MSR1: variants seen among roughly 807,000 people sequenced by gnomAD.
MSR1 encodes the protein macrophage scavenger receptor 1.
MSR1 carries 53 observed loss-of-function variants against 47.2 expected under a neutral mutation model. That is an observed-to-expected ratio of 1.12 (90% CI 0.90 to 1.41). MSR1 has a LOEUF of 1.41. Among genes scored for constraint, MSR1 ranks in the 40% most tolerant of loss-of-function variants. MSR1 has a pLI of 0.00. For synonymous variants in MSR1, 239 were observed against 185.6 expected, an observed-to-expected ratio of 1.29 and a Z score of -2.34; for missense variants, 786 against 546.9, an observed-to-expected ratio of 1.44 and a Z score of -4.36.
chr8:16,111,513 T>A (rs1799755581), intron 9 of MSR1, among the ~76,000 whole-genome samples: 1 of 152,116 alleles, frequency 6.6e-6, no homozygotes, highest in African/African-American at 2.4e-5. Context: ...AAAAGGAAAC[T>A]GAGAGTGGGA....
At chr8:16,123,030 A>G (rs544471471) in intron 8 of MSR1, among the ~76,000 whole-genome samples, 148 of 151,830 alleles carry the variant, frequency 9.7e-4, no homozygotes, top group African/African-American at 3.2e-3. Flanking sequence ...ATTTTTTAGT[A>G]CAGACGGGGT....
intron 3 of MSR1, among the ~76,000 whole-genome samples, chr8:16,174,292 A>G (rs894670116): frequency 6.6e-6 from 1 of 152,216 alleles, no homozygotes; most frequent in African/African-American, 2.4e-5. Context: ...GCACATAAAA[A>G]TGTATCTTAT....
At chr8:16,187,189 C>G (rs566611266) in intron 1 of MSR1, among the ~76,000 whole-genome samples, 105 of 151,610 alleles carry the variant, frequency 6.9e-4, no homozygotes, top group Middle Eastern at 6.8e-3. Flanking sequence ...TGATGAAACC[C>G]TGTCTCTACT....
At chr8:16,128,700 G>C (rs1585142684) in intron 8 of MSR1, among the ~76,000 whole-genome samples, 1 of 152,168 alleles carries the variant, frequency 6.6e-6, no homozygotes, top group African/African-American at 2.4e-5. Context: ...AATACAAGCT[G>C]CTTCTTTAAT....
At chr8:16,187,092 AAGC>A (rs1373686370) in intron 1 of MSR1, among the ~76,000 whole-genome samples, 1 of 151,854 alleles carries the variant, frequency 6.6e-6, no homozygotes, top group Non-Finnish European at 1.5e-5. Context: ...TGACTCAAAA[AAGC>A]AGACCACCTG....
intron 7 of MSR1, 62 bp downstream of exon 7, chr8:16,150,168 AT>A (rs1284914421): frequency 1.3e-4 from 40 of 300,562 alleles, no homozygotes; most frequent in South Asian, 9.5e-4. Context: ...ATATATATAT[AT>A]ATAAAATTAT....
At chr8:16,140,808 G>A (rs567039918) in intron 8 of MSR1, 15 of 1,519,022 alleles carry the variant, frequency 9.9e-6, no homozygotes, top group Admixed American at 2.2e-5. Flanking sequence ...GTATGAGCAT[G>A]GGAGCAGAGG....
rs1799672713 is a variant in MSR1, at chr8:16,107,958, C to A, written c.*2127G>T. ...ATTAAGTCCTCAATTTGTATTGGTG[C>A]TATTAGGTTCTTTTCTTGACTGGAC... On this transcript the variant is annotated 3_prime_UTR_variant, in exon 10 of 10. Transcript: ENST00000262101. 1 of 151,578 alleles carries A rather than the reference C, an allele frequency of 6.6e-6. No homozygotes were observed. The highest frequency in any genetic ancestry group is 2.1e-4 in the South Asian group (1 of 4,806). The allele number at this position is 151,578 out of a possible 1,614,324, so 9.4% of individuals were successfully genotyped here. A position where few individuals can be genotyped will look rare whatever the true frequency, so the allele number is the denominator to read the frequency against.
Position 16,140,100 on chromosome 8 carries a change from T to A in MSR1, c.1033+3458A>T, listed in dbSNP as rs540784744. Reference sequence around the variant, plus strand: ...ACATGTGAATTAATGATTGAATGAATGGATTTTCTTCTATGACATCCCTAT... The same window carrying A: ...ACATGTGAATTAATGATTGAATGAAAGGATTTTCTTCTATGACATCCCTAT... On this transcript the variant is annotated intron_variant, in intron 8 of 9. Coordinates refer to ENST00000262101, the MANE Select transcript of MSR1 (RefSeq NM_138715.3). 1.3e-5 allele frequency: 13 copies of A among 982,304 alleles called. No individual in the cohort carries two copies. The South Asian group carries it at 5.7e-4, about 43-fold the overall frequency. The allele number at this position is 982,304 out of a possible 1,614,324, so 60.8% of individuals were successfully genotyped here.
rs142433151 is a variant in MSR1 at position 16,132,883 on chromosome 8, T to C, written c.1033+10675A>G. Among the ~76,000 whole-genome samples, 797 of 152,262 alleles carry C rather than the reference T, an allele frequency of 5.2e-3. 9 individuals are homozygous for C. The highest frequency in any genetic ancestry group is 0.018 in the African/African-American group (768 of 41,562). On this transcript the variant is annotated intron_variant, in intron 8 of 9. Coordinates refer to ENST00000262101, the MANE Select transcript of MSR1 (RefSeq NM_138715.3). ...GCAGAATGTTTCCAGGTTTTGCCCATTTAATATGATGTCGCTGTGGGTTTT... is the reference window on the plus strand; with the variant it reads ...GCAGAATGTTTCCAGGTTTTGCCCACTTAATATGATGTCGCTGTGGGTTTT...
At chr8:16,122,614 C>T (rs752422353) in intron 8 of MSR1, among the ~76,000 whole-genome samples, 3 of 152,086 alleles carry the variant, frequency 2.0e-5, no homozygotes, top group Non-Finnish European at 4.4e-5. Flanking sequence ...GCAGAACAAG[C>T]TCCCAACAGC....
chr8:16,188,979 T>C (rs867103205), intron 1 of MSR1, among the ~76,000 whole-genome samples: 24,969 of 142,444 alleles, frequency 0.18, 3,648 homozygotes, highest in African/African-American at 0.38. Context: ...TATATATATA[T>C]ATATATATAT....
chr8:16,181,284 A>G (rs1340150452), intron 1 of MSR1, among the ~76,000 whole-genome samples: 1 of 152,148 alleles, frequency 6.6e-6, no homozygotes, highest in Non-Finnish European at 1.5e-5. Flanking sequence ...GTCTTCCACA[A>G]TGGTTGAACT....
At chr8:16,138,914 A>G (rs1800457666) in intron 8 of MSR1, among the ~76,000 whole-genome samples, 1 of 152,094 alleles carries the variant, frequency 6.6e-6, no homozygotes, top group Non-Finnish European at 1.5e-5. Context: ...ACTTGTTTCA[A>G]CCTTTCTTGG....
intron 6 of MSR1, among the ~76,000 whole-genome samples, chr8:16,152,469 T>C (rs539809365): frequency 6.6e-6 from 1 of 152,186 alleles, no homozygotes; most frequent in East Asian, 1.9e-4. Flanking sequence ...TTTTCTCTTC[T>C]GGAAGCACGA....
intron 1 of MSR1, among the ~76,000 whole-genome samples, chr8:16,189,525 A>G (rs192721607): frequency 1.2e-5 from 1 of 81,670 alleles, no homozygotes; most frequent in East Asian, 3.2e-4. Flanking sequence ...ATAAAAAATC[A>G]TATTTTATAT....
At chr8:16,130,345 T>C (rs2117082530) in intron 8 of MSR1, among the ~76,000 whole-genome samples, 1 of 152,314 alleles carries the variant, frequency 6.6e-6, no homozygotes, top group Non-Finnish European at 1.5e-5. Context: ...TTTGTGTCTT[T>C]GTGTCACATT....
chr8:16,114,690 T>G (rs566767055), intron 9 of MSR1, among the ~76,000 whole-genome samples: 1 of 152,252 alleles, frequency 6.6e-6, no homozygotes, highest in Admixed American at 6.5e-5. Context: ...TGAGAGAACC[T>G]ATTTAAAGGA....
Position 16,171,286 on chromosome 8 carries a change from A to G in MSR1, c.218-2416T>C, listed in dbSNP as rs192118387. Among the ~76,000 whole-genome samples the G allele has an allele frequency of 7.3e-5, 11 of 151,032 alleles. No homozygotes were observed. In the East Asian group the frequency reaches 2.1e-3, roughly 29 times the overall value. On this transcript the variant is annotated intron_variant, in intron 3 of 9. Transcript: ENST00000262101. ...GATAAGCATTACTACTGTAGCTATT[A>G]TTACATTAAGAGTGTCATCCTAAAT...
Sources: gnomAD v4.1 joint callset for allele counts (sites outside exome capture counted in the v4.1 genomes callset) on GRCh38, gnomAD v4.1.1 for gene constraint, MANE v1.5 for transcripts, NCBI Gene and HGNC (gene_info 2026-07-23, HGNC 2026-07-21) for gene names.